LRP1B: variants seen among roughly 807,000 people sequenced by gnomAD.
LRP1B encodes the protein low-density lipoprotein receptor-related protein 1B.
LRP1B carries 217 observed loss-of-function variants against 556.6 expected under a neutral mutation model. That is an observed-to-expected ratio of 0.39 (90% CI 0.35 to 0.44). The LOEUF (loss-of-function observed/expected upper bound fraction) is 0.44, where lower values mean the gene tolerates loss of function less well. Among genes scored for constraint, LRP1B ranks in the 20% least tolerant of loss-of-function variants. LRP1B has a pLI of 1.00. For synonymous variants in LRP1B, 2,047 were observed against 1,865.8 expected (o/e 1.10, Z -2.50); for missense variants, 5,053 against 5,620.8 (o/e 0.90, Z 3.23).
intron 2 of LRP1B, among the ~76,000 whole-genome samples, chr2:141,520,129 C>T (rs1398300401): frequency 1.3e-5 from 2 of 152,032 alleles, no homozygotes; most frequent in Non-Finnish European, 2.9e-5. Flanking sequence ...TGGAGTCAGA[C>T]AAAAAGTTCA....
intron 1 of LRP1B, among the ~76,000 whole-genome samples, chr2:142,032,116 A>G (rs568599970): frequency 6.6e-6 from 1 of 152,024 alleles, no homozygotes; most frequent in South Asian, 2.1e-4. Context: ...AGTTAGTGAT[A>G]CTTGGTTACA....
intron 2 of LRP1B, among the ~76,000 whole-genome samples, chr2:141,538,929 G>A (rs1380435543): frequency 6.6e-6 from 1 of 152,194 alleles, no homozygotes; most frequent in Non-Finnish European, 1.5e-5. Flanking sequence ...GTGAGCCACT[G>A]TCCCTGGCCG....
intron 41 of LRP1B, among the ~76,000 whole-genome samples, chr2:140,636,896 C>T (rs771315007): frequency 4.6e-5 from 7 of 152,112 alleles, no homozygotes; most frequent in Non-Finnish European, 7.4e-5. Flanking sequence ...AAAGACTCAG[C>T]GTAGCTGTGA....
chr2:140,674,516 T>C (rs903891067), intron 41 of LRP1B, among the ~76,000 whole-genome samples: 1 of 152,194 alleles, frequency 6.6e-6, no homozygotes, highest in Non-Finnish European at 1.5e-5. Flanking sequence ...AGATAACAAT[T>C]GAACTCTTTC....
intron 2 of LRP1B, among the ~76,000 whole-genome samples, chr2:141,754,025 T>A (rs764115592): frequency 4.6e-5 from 7 of 152,212 alleles, no homozygotes; most frequent in Admixed American, 2.6e-4. Flanking sequence ...GCTATCTAGT[T>A]GTAGCTGCAC....
At chr2:141,937,439 A>G (rs1700668998) in intron 1 of LRP1B, among the ~76,000 whole-genome samples, 1 of 151,560 alleles carries the variant, frequency 6.6e-6, no homozygotes, top group Non-Finnish European at 1.5e-5. Context: ...GTACTGAAGA[A>G]AATTAAAGAG....
At chr2:140,977,938 C>T (rs1025801543) in intron 18 of LRP1B, among the ~76,000 whole-genome samples, 1 of 152,144 alleles carries the variant, frequency 6.6e-6, no homozygotes, top group Non-Finnish European at 1.5e-5. Flanking sequence ...AAGTTGAGAA[C>T]CAACGTTAGT....
intron 2 of LRP1B, among the ~76,000 whole-genome samples, chr2:141,516,080 G>T (rs1342496118): frequency 6.6e-6 from 1 of 152,096 alleles, no homozygotes; most frequent in Non-Finnish European, 1.5e-5. Context: ...GTAATGTGAT[G>T]CTTCAATTAT....
intron 7 of LRP1B, among the ~76,000 whole-genome samples, chr2:141,176,944 C>T (rs1181463221): frequency 6.6e-6 from 1 of 152,072 alleles, no homozygotes; most frequent in South Asian, 2.1e-4. Context: ...ATCTGTCAAT[C>T]AGAAACTAAT....
chr2:141,945,126 C>T (rs1700917018), intron 1 of LRP1B, among the ~76,000 whole-genome samples: 1 of 152,016 alleles, frequency 6.6e-6, no homozygotes, highest in African/African-American at 2.4e-5. Flanking sequence ...GAGCAGACAA[C>T]AGTTTGTATC....
intron 1 of LRP1B, among the ~76,000 whole-genome samples, chr2:141,995,813 A>G (rs1240925173): frequency 6.6e-6 from 1 of 152,198 alleles, no homozygotes; most frequent in African/African-American, 2.4e-5. Context: ...TATTCTGTGG[A>G]AGATAATTAA....
chr2:140,936,370 AAAAAG>A (rs142891895), intron 20 of LRP1B, among the ~76,000 whole-genome samples: 2,137 of 122,968 alleles, frequency 0.017, 24 homozygotes, highest in Non-Finnish European at 0.024. Context: ...AAAGAAAGGA[AAAAAG>A]AAAAGAAAAG....
intron 2 of LRP1B, among the ~76,000 whole-genome samples, chr2:141,483,177 T>C (rs1408827356): frequency 1.4e-5 from 2 of 144,736 alleles, no homozygotes; most frequent in Non-Finnish European, 1.5e-5. Context: ...GTGTTCTCAT[T>C]GTTCAATTCC....
chr2:141,424,204 C>G, intron 3 of LRP1B, among the ~76,000 whole-genome samples: 1 of 150,942 alleles, frequency 6.6e-6, no homozygotes, highest in East Asian at 2.0e-4. Context: ...ACCTCTGCCT[C>G]TTGGGTTCAA....
At chr2:141,543,145 G>C (rs1214923164) in intron 2 of LRP1B, among the ~76,000 whole-genome samples, 1 of 152,090 alleles carries the variant, frequency 6.6e-6, no homozygotes, top group African/African-American at 2.4e-5. Context: ...GTCTCTTGGA[G>C]AGGAATCTGT....
intron 2 of LRP1B, among the ~76,000 whole-genome samples, chr2:141,656,751 T>C (rs2105388138): frequency 6.6e-6 from 1 of 152,258 alleles, no homozygotes; most frequent in Non-Finnish European, 1.5e-5. Flanking sequence ...ATTTCATATA[T>C]ATGTATGTAA....
At chr2:142,031,349 A>C (rs1341988778) in intron 1 of LRP1B, among the ~76,000 whole-genome samples, 1 of 33,664 alleles carries the variant, frequency 3.0e-5, no homozygotes, top group Non-Finnish European at 8.6e-5. Flanking sequence ...TTTTTTTTTT[A>C]TTATACTCTA....
At chr2:141,088,510 G>A (rs552405800) in intron 7 of LRP1B, among the ~76,000 whole-genome samples, 1 of 152,064 alleles carries the variant, frequency 6.6e-6, no homozygotes, top group Non-Finnish European at 1.5e-5. Context: ...CCTGAAACGT[G>A]GCTGTGGCAG....
At chr2:141,617,356 C>T (rs1018259434) in intron 2 of LRP1B, among the ~76,000 whole-genome samples, 2 of 152,142 alleles carry the variant, frequency 1.3e-5, no homozygotes, top group African/African-American at 4.8e-5. Flanking sequence ...GGAAAATAAA[C>T]AGACTAACTT....
Sources: gnomAD v4.1 joint callset for allele counts (sites outside exome capture counted in the v4.1 genomes callset) on GRCh38, gnomAD v4.1.1 for gene constraint, MANE v1.5 for transcripts, NCBI Gene and HGNC (gene_info 2026-07-23, HGNC 2026-07-21) for gene names.